The following RASSF9 variants were observed in gnomAD, a reference collection of about 807,000 sequenced individuals.
RASSF9 encodes ras association domain-containing protein 9.
In RASSF9, 18 loss-of-function variants were observed where a neutral mutation model predicts 21.4. That is an observed-to-expected ratio of 0.84 (90% confidence interval 0.58 to 1.25). The LOEUF (loss-of-function observed/expected upper bound fraction) is 1.25, where lower values mean the gene tolerates loss of function less well. RASSF9 is among the 50% of genes most tolerant of loss of function. The probability of loss-of-function intolerance (pLI) is 0.00; values close to 1 mark genes in which losing one functional copy is unlikely to be tolerated. For synonymous variants in RASSF9, 183 were observed against 179.1 expected (o/e 1.02, Z -0.18); for missense variants, 480 against 503.2 (o/e 0.95, Z 0.44).
chr12:85,820,724 T>C (rs2136558523), intron 1 of RASSF9, among the ~76,000 whole-genome samples: 1 of 152,360 alleles, frequency 6.6e-6, no homozygotes, highest in South Asian at 2.1e-4. Flanking sequence ...AAAATTTTTT[T>C]CAGGAATACG....
At chr12:85,808,732 A>G (rs1014571471) in intron 1 of RASSF9, among the ~76,000 whole-genome samples, 2 of 152,094 alleles carry the variant, frequency 1.3e-5, no homozygotes, top group African/African-American at 4.8e-5. Flanking sequence ...ATTTACTTCA[A>G]CTAGGATATT....
In RASSF9 at chr12:85,801,193, C is replaced by T. The variant is rs922627819; in HGVS notation, c.*3509G>A. 2 of 151,982 alleles carry T rather than the reference C, an allele frequency of 1.3e-5. No homozygotes were observed. Among genetic ancestry groups the T allele is most frequent in the African/African-American group, 4.8e-5 (2 of 41,384 alleles). The allele number at this position is 151,982 out of a possible 1,614,324, so 9.4% of individuals were successfully genotyped here. On this transcript the variant is annotated 3_prime_UTR_variant, in exon 2 of 2. Transcript: ENST00000361228. ...TAACCATTAAATCAGCTTAAAGAGACATTTGGGGTTTATTAAGTCAGTAAT... is the reference window on the plus strand; with the variant it reads ...TAACCATTAAATCAGCTTAAAGAGATATTTGGGGTTTATTAAGTCAGTAAT...
At chr12:85,810,463 C>T (rs1198236721) in intron 1 of RASSF9, among the ~76,000 whole-genome samples, 1 of 151,804 alleles carries the variant, frequency 6.6e-6, no homozygotes, top group Non-Finnish European at 1.5e-5. Context: ...TGACCCTCAG[C>T]ATCATTTCAT....
chr12:85,835,533 C>T (rs1164456803), intron 1 of RASSF9, among the ~76,000 whole-genome samples: 2 of 152,088 alleles, frequency 1.3e-5, no homozygotes, highest in African/African-American at 2.4e-5. Flanking sequence ...TTGAATCCTT[C>T]TTTAGTGCTT....
chr12:85,822,965 C>T (rs1056429057), intron 1 of RASSF9, among the ~76,000 whole-genome samples: 1 of 152,120 alleles, frequency 6.6e-6, no homozygotes, highest in Non-Finnish European at 1.5e-5. Context: ...CTTTGCGAGC[C>T]CGAGGCGGGC....
intron 1 of RASSF9, among the ~76,000 whole-genome samples, chr12:85,806,332 G>C (rs562723693): frequency 6.6e-6 from 1 of 150,896 alleles, no homozygotes; most frequent in South Asian, 2.1e-4. Flanking sequence ...TTACAGGCGT[G>C]AGCCACTGCG....
chr12:85,831,136 A>G (rs1880440758), intron 1 of RASSF9, among the ~76,000 whole-genome samples: 1 of 152,018 alleles, frequency 6.6e-6, no homozygotes, highest in Non-Finnish European at 1.5e-5. Context: ...AGGTAAACAC[A>G]TACCCTTACT....
At chr12:85,832,560 A>T (rs754620274) in intron 1 of RASSF9, among the ~76,000 whole-genome samples, 34 of 151,908 alleles carry the variant, frequency 2.2e-4, no homozygotes, top group Non-Finnish European at 3.8e-4. Context: ...ATAGGTTCAT[A>T]ATCTAAATCC....
chr12:85,812,948 G>A (rs190837757), intron 1 of RASSF9, among the ~76,000 whole-genome samples: 17 of 151,702 alleles, frequency 1.1e-4, no homozygotes, highest in African/African-American at 2.7e-4. Flanking sequence ...AATAAGAGGC[G>A]TTTTAAAAAT....
At chr12:85,830,471 T>C (rs998781241) in intron 1 of RASSF9, among the ~76,000 whole-genome samples, 1 of 152,096 alleles carries the variant, frequency 6.6e-6, no homozygotes, top group Non-Finnish European at 1.5e-5. Flanking sequence ...CTTTATTCAA[T>C]CAACAAATAT....
chr12:85,805,230 C>T lies in RASSF9; in HGVS notation c.780G>A (p.Leu260=). The part of the protein sequence containing the change: ...QYEENQTLED[L]SESDGIEQLE... ...GCTGTTCAATTCCATCACTTTCGCT[C>T]AGGTCCTCCAGAGTCTGGTTTTCCT... The change falls in exon 2 of 2, where the codon CTG becomes CTA. Residue 260 remains leucine, a synonymous_variant. Transcript: ENST00000361228. The T allele has an allele frequency of 6.2e-7, 1 of 1,613,782 alleles. No homozygotes were observed. The highest frequency in any genetic ancestry group is 8.5e-7 in the Non-Finnish European group (1 of 1,179,886).
chr12:85,819,133 A>G, intron 1 of RASSF9, among the ~76,000 whole-genome samples: 1 of 152,118 alleles, frequency 6.6e-6, no homozygotes, highest in East Asian at 1.9e-4. Context: ...TATAATGAGT[A>G]ACTTGGAAGG....
intron 1 of RASSF9, among the ~76,000 whole-genome samples, chr12:85,831,541 G>A (rs1486485452): frequency 6.6e-6 from 1 of 151,864 alleles, no homozygotes; most frequent in Non-Finnish European, 1.5e-5. Flanking sequence ...TGTTCCTAAT[G>A]AGCTATCCAC....
chr12:85,811,000 A>C (rs912092563), intron 1 of RASSF9, among the ~76,000 whole-genome samples: 1 of 151,918 alleles, frequency 6.6e-6, no homozygotes, highest in African/African-American at 2.4e-5. Flanking sequence ...TCATATCCCA[A>C]GATTCATGTC....
intron 1 of RASSF9, among the ~76,000 whole-genome samples, chr12:85,812,208 T>C (rs1284904008): frequency 2.6e-5 from 4 of 151,728 alleles, no homozygotes; most frequent in South Asian, 4.1e-4. Context: ...ATATGTAGTA[T>C]ACATTTATGA....
chr12:85,820,698 T>G (rs2136558499), intron 1 of RASSF9, among the ~76,000 whole-genome samples: 2 of 152,314 alleles, frequency 1.3e-5, no homozygotes, highest in Non-Finnish European at 2.9e-5. Flanking sequence ...ATGGGATCTC[T>G]TACATAAAAC....
intron 1 of RASSF9, among the ~76,000 whole-genome samples, chr12:85,809,748 A>G (rs967914507): frequency 6.6e-6 from 1 of 151,724 alleles, no homozygotes; most frequent in African/African-American, 2.4e-5. Flanking sequence ...CATGACCCCT[A>G]TTCCAATTGG....
rs774793056 is a variant in RASSF9, at chr12:85,805,142, C to CT, written c.867dup (p.Glu290ArgfsTer8). The CT allele has an allele frequency of 1.2e-6, 2 of 1,613,916 alleles. No individual in the cohort carries two copies. Among genetic ancestry groups the CT allele is most frequent in the South Asian group, 2.2e-5 (2 of 91,078 alleles). On this transcript the variant is annotated frameshift_variant, in exon 2 of 2. Transcript: ENST00000361228. LOFTEE classifies it high-confidence loss of function. ...ATATCAATGCAAACACTTTTTACCT[C>CT]TTTTTCTATTTCAGCAGAGAGCTTA...
At chr12:85,811,407 C>G (rs61928958) in intron 1 of RASSF9, among the ~76,000 whole-genome samples, 10,673 of 151,716 alleles carry the variant, frequency 0.07, 541 homozygotes, top group Middle Eastern at 0.18. Context: ...TATAGGAATA[C>G]CATAATTGTT....
Sources: allele counts gnomAD v4.1 joint callset (sites outside exome capture counted in the v4.1 genomes callset), GRCh38; gene constraint gnomAD v4.1.1; transcripts MANE v1.5; gene names NCBI Gene and HGNC (gene_info 2026-07-23, HGNC 2026-07-21).